The following PSMA8 variants were observed in gnomAD, a reference collection of about 807,000 sequenced individuals.
The protein encoded by PSMA8 is proteasome 20S subunit alpha 8.
Under a neutral mutation model 32.4 loss-of-function variants are expected in PSMA8, and 18 were observed. That is an observed-to-expected ratio of 0.56 (90% confidence interval 0.38 to 0.82). The LOEUF is 0.82. Ranked by LOEUF, PSMA8 falls within the 40% of genes least tolerant of loss-of-function variation. The pLI is 0.00. For missense variants in PSMA8, 298 were observed against 300.7 expected, an observed-to-expected ratio of 0.99 and a Z score of 0.07; for synonymous variants, 104 against 98.1, an observed-to-expected ratio of 1.06 and a Z score of -0.36.
rs2055326243 is a variant in PSMA8 at position 26,183,176 on chromosome 18, G to C, written c.660+4046G>C. On this transcript the variant is annotated intron_variant, in intron 6 of 6. Coordinates refer to ENST00000415576, the MANE Select transcript of PSMA8 (RefSeq NM_001025096.2). ...GGAGGCCAAGGTGGGTGGATTGCTT[G>C]AGGTCAGGAGTTTAAGACCAGCCTG... Among the ~76,000 whole-genome samples, 2 of 150,098 alleles carry C rather than the reference G, an allele frequency of 1.3e-5. 1 individual carries two copies. Among genetic ancestry groups the C allele is most frequent in the Non-Finnish European group, 3.0e-5 (2 of 67,626 alleles).
chr18:26,176,255 G>A (rs1357110634), intron 4 of PSMA8, among the ~76,000 whole-genome samples: 1 of 152,178 alleles, frequency 6.6e-6, no homozygotes, highest in Non-Finnish European at 1.5e-5. Flanking sequence ...CACCAGAAAT[G>A]TGCAGGGTGA....
intron 4 of PSMA8, among the ~76,000 whole-genome samples, chr18:26,160,140 A>G (rs1283987731): frequency 6.6e-6 from 1 of 152,094 alleles, no homozygotes; most frequent in South Asian, 2.1e-4. Flanking sequence ...CACTTCTACA[A>G]AAACAATTTA....
At position 26,181,471 on chromosome 18, in the gene PSMA8, T is replaced by G. The variant is rs555473163; in HGVS notation, c.660+2341T>G. On this transcript the variant is annotated intron_variant, in intron 6 of 6. Transcript: ENST00000415576. ...ATAACCCGATAAGGGCCTCTAAGTG[T>G]TCAAGTGAAAGGAAGAGTCTCATGT... 2.4e-4 allele frequency among the ~76,000 whole-genome samples: 36 copies of G among 152,206 alleles called. No individual in the cohort carries two copies. The South Asian group carries it at 6.2e-3, about 26-fold the overall frequency.
rs757636375 is a variant in PSMA8 at position 26,151,915 on chromosome 18, A to G, written c.287A>G (p.His96Arg). Residue 96 changes from histidine (H) to arginine (R), a missense_variant, in exon 3 of 7, where the codon CAT becomes CGT. Physicochemically the swap from His to Arg is conservative, Grantham distance 29. Coordinates refer to ENST00000415576, the MANE Select transcript of PSMA8 (RefSeq NM_001025096.2). ...AGAGCCCGTGTGGAGTGCCAGAGCC[A>G]TAAGCTTACGGTTGAGGACCCAGTC... ...INRARVECQSHKLTVEDPVTV... is the reference protein window; with the variant it reads ...INRARVECQSRKLTVEDPVTV... 4 of 1,612,814 alleles carry G rather than the reference A, an allele frequency of 2.5e-6. No individual in the cohort carries two copies. The highest frequency in any genetic ancestry group is 1.7e-4 in the Middle Eastern group (1 of 6,058).
chr18:26,137,188 T>C (rs1598639082), intron 1 of PSMA8, among the ~76,000 whole-genome samples: 1 of 152,334 alleles, frequency 6.6e-6, no homozygotes, highest in African/African-American at 2.4e-5. Flanking sequence ...CTGGGCGTGG[T>C]GGCTGATGCC....
intron 4 of PSMA8, among the ~76,000 whole-genome samples, chr18:26,169,499 T>G (rs1433291572): frequency 7.6e-6 from 1 of 130,790 alleles, no homozygotes; most frequent in Admixed American, 7.3e-5. Context: ...AATTGTAAAA[T>G]ACTTCAAATA....
intron 1 of PSMA8, among the ~76,000 whole-genome samples, chr18:26,139,728 C>T (rs1403392477): frequency 6.6e-6 from 1 of 152,058 alleles, no homozygotes; most frequent in African/African-American, 2.4e-5. Flanking sequence ...TTGTAATTAC[C>T]TTGACTAAAC....
chr18:26,134,343 GTGT>G (rs1598637081), intron 1 of PSMA8, among the ~76,000 whole-genome samples: 17 of 141,664 alleles, frequency 1.2e-4, no homozygotes, highest in East Asian at 4.0e-4. Context: ...GTGTGTGGGT[GTGT>G]GTGTGTGTGT....
At chr18:26,156,275 A>ATCC (rs1310583109) in intron 3 of PSMA8, among the ~76,000 whole-genome samples, 1 of 152,230 alleles carries the variant, frequency 6.6e-6, no homozygotes, top group African/African-American at 2.4e-5. Flanking sequence ...AAGTAGAACT[A>ATCC]TCCTCTAATC....
In PSMA8 at chr18:26,193,105, A is replaced by G. The variant is rs574941035; in HGVS notation, c.*694A>G. ...TGAAAATAAGGAAAGAAATTAATAC[A>G]TATCACTTTTAGTTTAGATTTTTAT... On this transcript the variant is annotated 3_prime_UTR_variant, in exon 7 of 7. Coordinates refer to ENST00000415576, the MANE Select transcript of PSMA8 (RefSeq NM_001025096.2). 2.6e-5 allele frequency: 4 copies of G among 152,310 alleles called. No homozygotes were observed. The South Asian group carries it at 8.3e-4, about 32-fold the overall frequency. The allele number at this position is 152,310 out of a possible 1,614,324, so 9.4% of individuals were successfully genotyped here.
intron 6 of PSMA8, among the ~76,000 whole-genome samples, chr18:26,187,409 C>T (rs914035735): frequency 3.9e-5 from 6 of 151,930 alleles, no homozygotes; most frequent in Admixed American, 3.3e-4. Context: ...GAGACTGAGG[C>T]AGGAGGATAA....
intron 4 of PSMA8, among the ~76,000 whole-genome samples, chr18:26,161,980 T>C (rs1045147021): frequency 1.3e-5 from 2 of 152,178 alleles, no homozygotes. Context: ...GAAACACTCA[T>C]TTTTAGATTT....
At chr18:26,185,293 T>C (rs1417891769) in intron 6 of PSMA8, among the ~76,000 whole-genome samples, 3 of 150,216 alleles carry the variant, frequency 2.0e-5, no homozygotes, top group Non-Finnish European at 4.4e-5. Flanking sequence ...CAAGAAATCG[T>C]TTTTTCTCAC....
intron 3 of PSMA8, among the ~76,000 whole-genome samples, chr18:26,153,078 A>C (rs550044756): frequency 6.7e-4 from 102 of 152,352 alleles, no homozygotes; most frequent in African/African-American, 2.4e-3. Context: ...CCATGCAGAA[A>C]TACATAGCTT....
intron 4 of PSMA8, among the ~76,000 whole-genome samples, chr18:26,163,324 G>T (rs934831984): frequency 6.9e-6 from 1 of 145,112 alleles, no homozygotes; most frequent in Non-Finnish European, 1.5e-5. Flanking sequence ...TACACAAGGT[G>T]GTCAGGGAAG....
At chr18:26,180,810 T>TA (rs1417950458) in intron 6 of PSMA8, among the ~76,000 whole-genome samples, 1 of 152,136 alleles carries the variant, frequency 6.6e-6, no homozygotes, top group Non-Finnish European at 1.5e-5. Context: ...TTCCACATGA[T>TA]ACTTTAGGAT....
At chr18:26,191,516 T>C (rs909847639) in intron 6 of PSMA8, among the ~76,000 whole-genome samples, 3 of 152,006 alleles carry the variant, frequency 2.0e-5, no homozygotes, top group African/African-American at 7.3e-5. Flanking sequence ...TCAGGCGTGG[T>C]AGCACACACC....
At chr18:26,152,740 G>C (rs1470987755) in intron 3 of PSMA8, among the ~76,000 whole-genome samples, 2 of 152,186 alleles carry the variant, frequency 1.3e-5, no homozygotes, top group Non-Finnish European at 2.9e-5. Context: ...AATGGGAGGA[G>C]TTTAGGGTTC....
At chr18:26,180,367 T>C (rs553486605) in intron 6 of PSMA8, among the ~76,000 whole-genome samples, 22 of 152,344 alleles carry the variant, frequency 1.4e-4, no homozygotes, top group Admixed American at 7.2e-4. Context: ...TGTTTGTTTC[T>C]GTTTTTGTTT....
Sources: gnomAD v4.1 joint callset for allele counts (sites outside exome capture counted in the v4.1 genomes callset) on GRCh38, gnomAD v4.1.1 for gene constraint, MANE v1.5 for transcripts, NCBI Gene and HGNC (gene_info 2026-07-23, HGNC 2026-07-21) for gene names.